The following SLC39A8 variants were observed in gnomAD, a reference collection of about 807,000 sequenced individuals.
SLC39A8 encodes metal cation symporter ZIP8.
In SLC39A8, 15 loss-of-function variants were observed where a neutral mutation model predicts 40.4. The observed-to-expected ratio is 0.37, with a 90% CI of 0.25 to 0.57. The LOEUF is 0.57. Among genes scored for constraint, SLC39A8 ranks in the 20% least tolerant of loss-of-function variants. The probability of loss-of-function intolerance (pLI) is 0.75; values close to 1 mark genes in which losing one functional copy is unlikely to be tolerated. For synonymous variants in SLC39A8, 223 were observed against 221.6 expected (o/e 1.01, Z -0.06); for missense variants, 472 against 558.8 (o/e 0.84, Z 1.57).
rs750116506 is a variant in SLC39A8, at chr4:102,268,028, A to G, written c.892T>C (p.Ser298Pro). ...ATCCAGGCAATCGTCCCTATTTCTG[A>G]CAGTTTGGGCCCCTTCAAACAGGTA... Reference protein sequence around the residue: ...SCTCLKGPKLSEIGTIAWMIT... With the variant: ...SCTCLKGPKLPEIGTIAWMIT... The change falls in exon 7 of 9, where the codon TCA (serine) becomes CCA (proline). Residue 298 changes from serine to proline, a missense_variant. By Grantham distance (74) the Ser-to-Pro change is moderately conservative. Around this residue, in one of 4 missense-constraint regions of SLC39A8, gnomAD observed 239 missense variants for 317.9 expected, o/e 0.75. Coordinates refer to ENST00000356736, the MANE Select transcript of SLC39A8 (RefSeq NM_001135146.2). The G allele has an allele frequency of 1.9e-6, 3 of 1,614,212 alleles. No individual in the cohort carries two copies. The South Asian group carries it at 3.3e-5, about 18-fold the overall frequency.
chr4:102,340,169 A>C (rs1247676387), intron 2 of SLC39A8, among the ~76,000 whole-genome samples: 1 of 152,188 alleles, frequency 6.6e-6, no homozygotes, highest in African/African-American at 2.4e-5. Flanking sequence ...AAAAAATTAT[A>C]ATGAATACAT....
rs1009065168 is a variant in SLC39A8 at position 102,342,070 on chromosome 4, T to C, written c.219+2374A>G. Among the ~76,000 whole-genome samples, 185 of 152,324 alleles carry C rather than the reference T, an allele frequency of 1.2e-3. 1 individual carries two copies. The highest frequency in any genetic ancestry group is 1.8e-4 in the Non-Finnish European group (12 of 68,020). On this transcript the variant is annotated intron_variant, in intron 2 of 8. Coordinates refer to ENST00000356736, the MANE Select transcript of SLC39A8 (RefSeq NM_001135146.2). ...ATGACCCTAAAATTTTACTCCAGAA[T>C]TGGGTGGTTTCACACTGGAGCATAC...
At chr4:102,295,116 A>G (rs1733627879) in intron 6 of SLC39A8, among the ~76,000 whole-genome samples, 1 of 148,254 alleles carries the variant, frequency 6.7e-6, no homozygotes, top group African/African-American at 2.4e-5. Context: ...TATATGATAC[A>G]TATTAATATA....
At chr4:102,302,283 A>G (rs1329834966) in intron 6 of SLC39A8, among the ~76,000 whole-genome samples, 3 of 151,990 alleles carry the variant, frequency 2.0e-5, no homozygotes, top group Non-Finnish European at 4.4e-5. Context: ...GCCATCTGGT[A>G]TCTAAAGAAT....
intron 6 of SLC39A8, among the ~76,000 whole-genome samples, chr4:102,297,344 C>A (rs1386837900): frequency 6.6e-6 from 1 of 152,096 alleles, no homozygotes; most frequent in Non-Finnish European, 1.5e-5. Context: ...CTCTGTACAT[C>A]AGTTTCCAAA....
In SLC39A8 at chr4:102,344,706, G is replaced by T; in HGVS notation, c.-44C>A. The stretch of plus-strand genomic sequence containing the variant: ...TTGAGGGCCCGCGACGGGCTGCCGC[G>T]CAGAGGGACGCGCGCGGGCGCACTG... On this transcript the variant is annotated 5_prime_UTR_variant, in exon 2 of 9. Transcript: ENST00000356736. 1 of 1,386,414 alleles carries T rather than the reference G, an allele frequency of 7.2e-7. No homozygotes were observed. The highest frequency in any genetic ancestry group is 9.3e-7 in the Non-Finnish European group (1 of 1,078,158). 85.9% of individuals were successfully genotyped at this position (1,386,414 alleles called of 1,614,324 possible). A position where few individuals can be genotyped will look rare whatever the true frequency, so the allele number is the denominator to read the frequency against.
At chr4:102,273,792 T>C (rs1041669433) in intron 6 of SLC39A8, among the ~76,000 whole-genome samples, 3 of 152,146 alleles carry the variant, frequency 2.0e-5, no homozygotes, top group African/African-American at 4.8e-5. Flanking sequence ...ATGCTGGTGA[T>C]ACCCAGGCAA....
In SLC39A8 at chr4:102,267,930, G is replaced by C. The variant is rs745555712; in HGVS notation, c.990C>G (p.Leu330=). ...LAIGASCTLS[L]LQGLSTSIAI... is the part of the protein sequence containing the mutation. ...CTATGGAAGTACTGAGTCCCTGAAG[G>C]AGAGACAAGGTGCAGGAAGCCCCAA... The change falls in exon 7 of 9, where the codon CTC becomes CTG. Residue 330 remains leucine, a synonymous_variant. Transcript: ENST00000356736. 2.0e-5 allele frequency: 33 copies of C among 1,614,046 alleles called. No individual in the cohort carries two copies. Among genetic ancestry groups the C allele is most frequent in the Non-Finnish European group, 2.8e-5 (33 of 1,180,036 alleles).
intron 8 of SLC39A8, among the ~76,000 whole-genome samples, chr4:102,265,948 TA>T (rs1560525729): frequency 6.6e-6 from 1 of 152,238 alleles, no homozygotes; most frequent in African/African-American, 2.4e-5. Context: ...TGTATTTCTC[TA>T]ATTTTTCAGT....
At chr4:102,302,717 C>CTT (rs1408885405) in intron 6 of SLC39A8, among the ~76,000 whole-genome samples, 2 of 152,068 alleles carry the variant, frequency 1.3e-5, no homozygotes, top group African/African-American at 4.8e-5. Flanking sequence ...TTTAACCTCT[C>CTT]TAAGTCATAC....
At chr4:102,258,770 C>T (rs1731771894), downstream of SLC39A8, among the ~76,000 whole-genome samples, 1 of 152,186 alleles carries the variant, frequency 6.6e-6, no homozygotes, top group Non-Finnish European at 1.5e-5. Flanking sequence ...TGGGATTCTT[C>T]AGAGGGGTTC....
downstream of SLC39A8, among the ~76,000 whole-genome samples, chr4:102,258,127 C>T (rs1388479917): frequency 7.2e-6 from 1 of 139,332 alleles, no homozygotes; most frequent in African/African-American, 3.2e-5. Context: ...TTTTTTGAGA[C>T]GGAGTCTTGC....
chr4:102,259,148 A>G (rs570953484), downstream of SLC39A8, among the ~76,000 whole-genome samples: 4 of 152,366 alleles, frequency 2.6e-5, no homozygotes, highest in East Asian at 7.7e-4. Context: ...AACAAGTTTT[A>G]TAAACTTCCT....
intron 6 of SLC39A8, among the ~76,000 whole-genome samples, chr4:102,283,622 A>C (rs1733008847): frequency 6.7e-6 from 1 of 148,560 alleles, no homozygotes. Context: ...CAAATCCACT[A>C]CATATAATCT....
intron 2 of SLC39A8, among the ~76,000 whole-genome samples, chr4:102,333,671 T>C (rs564838233): frequency 1.3e-5 from 2 of 152,166 alleles, no homozygotes; most frequent in Middle Eastern, 3.4e-3. Context: ...AAGAAAAGAG[T>C]TAGACATCAA....
intron 6 of SLC39A8, among the ~76,000 whole-genome samples, chr4:102,291,526 G>A (rs182032971): frequency 3.9e-5 from 6 of 151,910 alleles, no homozygotes; most frequent in East Asian, 3.9e-4. Flanking sequence ...ATTCTCATTC[G>A]TCTGAGCCAG....
At chr4:102,340,855 A>T (rs1735907228) in intron 2 of SLC39A8, among the ~76,000 whole-genome samples, 1 of 152,238 alleles carries the variant, frequency 6.6e-6, no homozygotes, top group Admixed American at 6.5e-5. Flanking sequence ...TTAAGAGAGT[A>T]GATTTTCACA....
At chr4:102,296,002 C>T (rs569153754) in intron 6 of SLC39A8, among the ~76,000 whole-genome samples, 2 of 152,006 alleles carry the variant, frequency 1.3e-5, no homozygotes, top group East Asian at 1.9e-4. Context: ...CCTGATAAAT[C>T]GTCATTTGAA....
intron 6 of SLC39A8, among the ~76,000 whole-genome samples, chr4:102,303,904 C>A (rs1475221797): frequency 6.6e-6 from 1 of 151,706 alleles, no homozygotes; most frequent in African/African-American, 2.4e-5. Flanking sequence ...ATAAGTCAGA[C>A]AATTAATAAA....
Sources: allele counts gnomAD v4.1 joint callset (sites outside exome capture counted in the v4.1 genomes callset), GRCh38; gene constraint gnomAD v4.1.1; regional missense constraint gnomAD v4.1.1; transcripts MANE v1.5; gene names NCBI Gene and HGNC (gene_info 2026-07-23, HGNC 2026-07-21).